Variants in ASB6 observed in about 807,000 individuals in gnomAD.
The protein encoded by ASB6 is ankyrin repeat and SOCS box containing 6, also known as ankyrin repeat and SOCS box protein 6.
In ASB6, 24 loss-of-function variants were observed where a neutral mutation model predicts 28.6. The ratio of observed to expected loss-of-function variants is 0.84; its 90% CI spans 0.61 to 1.18. The LOEUF (loss-of-function observed/expected upper bound fraction) is 1.18. Among genes scored for constraint, ASB6 ranks in the 50% most tolerant of loss-of-function variants. The pLI, the probability that ASB6 is intolerant of heterozygous loss-of-function variation, is 0.00. For synonymous variants in ASB6, 267 were observed against 243.4 expected (o/e 1.10, Z -0.90); for missense variants, 519 against 559.8 (o/e 0.93, Z 0.74).
In ASB6 at chr9:129,635,748, G is replaced by A. The variant is rs886378409; in HGVS notation, c.*2042C>T. 2 of 380,544 alleles carry A rather than the reference G, an allele frequency of 5.3e-6. No individual in the cohort carries two copies. The highest frequency in any genetic ancestry group is 4.8e-6 in the Non-Finnish European group (1 of 208,668). 23.6% of individuals were successfully genotyped at this position (380,544 alleles called of 1,614,324 possible). ...AGGGCTCCTGGTGCTCCCCATGTGG[G>A]AATAGGGTGGCCACATCAGTAACCG... On this transcript the variant is annotated 3_prime_UTR_variant, in exon 6 of 6. Transcript: ENST00000277458.
In ASB6 at chr9:129,638,742, G is replaced by T. The variant is rs1244493936; in HGVS notation, c.512-83C>A. ...ACCCAGAGGAGGTGGCAGAAATCCA[G>T]ACACTCAGAGGATCAGAAGATGAAC... On this transcript the variant is annotated intron_variant, in intron 4 of 5. Transcript: ENST00000277458. The T allele has an allele frequency of 6.4e-5, 70 of 1,085,542 alleles. No individual in the cohort carries two copies. The East Asian group carries it at 1.7e-3, about 27-fold the overall frequency. The allele number at this position is 1,085,542 out of a possible 1,614,324, so 67.2% of individuals were successfully genotyped here.
chr9:129,638,491 A>G (rs1448919061), intron 5 of ASB6, 34 bp from the exon 6 acceptor site: 38 of 1,607,848 alleles, frequency 2.4e-5, no homozygotes, highest in Middle Eastern at 1.6e-4. Flanking sequence ...ATGCTGGGAG[A>G]AGGCCTTCAA....
Position 129,638,675 on chromosome 9 carries a change from G to A in ASB6, c.512-16C>T, listed in dbSNP as rs761693106. On this transcript the variant is annotated splice_polypyrimidine_tract_variant and intron_variant, in intron 4 of 5. Transcript: ENST00000277458. ...GCAGTTTTTCCTAGGGAGGGAGGGAGAGCAAGGAGGAGCAGGAGGCCAGGA... is the reference window on the plus strand; with the variant it reads ...GCAGTTTTTCCTAGGGAGGGAGGGAAAGCAAGGAGGAGCAGGAGGCCAGGA... 4 of 1,595,362 alleles carry A rather than the reference G, an allele frequency of 2.5e-6. No individual in the cohort carries two copies. Among genetic ancestry groups the A allele is most frequent in the Admixed American group, 1.7e-5 (1 of 58,214 alleles).
At position 129,639,456 on chromosome 9, in the gene ASB6, C is replaced by T. The variant is rs144625798; in HGVS notation, c.348G>A (p.Pro116=). Residue 116 remains proline, a synonymous_variant, in exon 3 of 6, where the codon CCG becomes CCA. Coordinates refer to ENST00000277458, the MANE Select transcript of ASB6 (RefSeq NM_017873.4). ...ALHIAVLRNQ[P]DMVELLVHHG... ...GATGCACCAGCAGCTCCACCATGTC[C>T]GGCTGGTTCCGCAGGACGGCGATGT... The T allele has an allele frequency of 2.5e-5, 41 of 1,613,722 alleles. No homozygotes were observed. Among genetic ancestry groups the T allele is most frequent in the East Asian group, 1.1e-4 (5 of 44,882 alleles).
At position 129,635,611 on chromosome 9, in the gene ASB6, C is replaced by T. The variant is rs1831507723; in HGVS notation, c.*2179G>A. Reference sequence around the variant, plus strand: ...CTGCCGTCCACTCATTATGCGGGCTCTTCTTCAAAAGGCAAGGTGGGACCC... The same window carrying T: ...CTGCCGTCCACTCATTATGCGGGCTTTTCTTCAAAAGGCAAGGTGGGACCC... On this transcript the variant is annotated 3_prime_UTR_variant, in exon 6 of 6. Coordinates refer to ENST00000277458, the MANE Select transcript of ASB6 (RefSeq NM_017873.4). The T allele has an allele frequency of 9.5e-7, 1 of 1,054,218 alleles. No individual in the cohort carries two copies. 65.3% of individuals were successfully genotyped at this position (1,054,218 alleles called of 1,614,324 possible). A position where few individuals can be genotyped will look rare whatever the true frequency, so the allele number is the denominator to read the frequency against.
intron 1 of ASB6, 112 bp downstream of exon 1, chr9:129,641,775 G>T: frequency 1.7e-6 from 2 of 1,150,740 alleles, no homozygotes; most frequent in Non-Finnish European, 2.3e-6. Flanking sequence ...GCTTCCGCCC[G>T]TCCCTTCCTC....
At chr9:129,640,768 G>A (rs763831822) in intron 1 of ASB6, 46 bp from the exon 2 acceptor site, 25 of 1,608,204 alleles carry the variant, frequency 1.6e-5, no homozygotes, top group Middle Eastern at 1.7e-4. Flanking sequence ...GTGGGACCGG[G>A]TGACCGCGCA....
Position 129,639,615 on chromosome 9 carries a change from C to T in ASB6, c.296-107G>A. 2 of 936,532 alleles carry T rather than the reference C, an allele frequency of 2.1e-6. 1 individual carries two copies. Among genetic ancestry groups the T allele is most frequent in the East Asian group, 5.3e-5 (2 of 37,608 alleles). 58.0% of individuals were successfully genotyped at this position (936,532 alleles called of 1,614,324 possible). On this transcript the variant is annotated intron_variant, in intron 2 of 5. Transcript: ENST00000277458. ...CTCCCACCTAAAGTGTCCAGAAGCA[C>T]AGGCCCAGCCTCCTGTCACCATCAA...
Position 129,638,643 on chromosome 9 carries a change from G to C in ASB6, c.528C>G (p.Leu176=), listed in dbSNP as rs1477739414. ...AADKHGKTAL[L]HALASSDGVQ... is the part of the protein sequence containing the mutation. The stretch of plus-strand genomic sequence containing the variant: ...CCCCGTCGCTGCTGGCCAGAGCATG[G>C]AGCAGAGCAGTTTTTCCTAGGGAGG... The change falls in exon 5 of 6, where the codon CTC becomes CTG. Residue 176 remains leucine (L), a synonymous_variant. Transcript: ENST00000277458. 1.9e-6 allele frequency: 3 copies of C among 1,613,194 alleles called. No homozygotes were observed. The highest frequency in any genetic ancestry group is 2.2e-5 in the East Asian group (1 of 44,878).
Position 129,638,309 on chromosome 9 carries a change from G to A in ASB6, c.747C>T (p.His249=), listed in dbSNP as rs549261054. The change falls in exon 6 of 6, where the codon CAC becomes CAT. Residue 249 remains histidine (H), a synonymous_variant. Coordinates refer to ENST00000277458, the MANE Select transcript of ASB6 (RefSeq NM_017873.4). ...CFQVTRLLLA[H]GADPSECPAH... is the part of the protein sequence containing the mutation. Reference sequence around the variant, plus strand: ...CTGGGCACTCGCTGGGGTCGGCCCCGTGTGCCAGCAGCAGCCGTGTGACTT... The same window carrying A: ...CTGGGCACTCGCTGGGGTCGGCCCCATGTGCCAGCAGCAGCCGTGTGACTT... The A allele has an allele frequency of 9.9e-6, 16 of 1,612,818 alleles. No homozygotes were observed. The African/African-American group carries it at 1.2e-4, about 12-fold the overall frequency.
chr9:129,638,043 TGA>T lies in ASB6; in HGVS notation c.1011_1012del (p.Gln338GlufsTer73). On this transcript the variant is annotated frameshift_variant, in exon 6 of 6. Coordinates refer to ENST00000277458, the MANE Select transcript of ASB6 (RefSeq NM_017873.4). LOFTEE classifies it high-confidence loss of function. ...GAAGTTTTCGGGCAGCTGGAGTTTCTGAGAGTTGGTCACCATGAGATCCAGGA... is the reference window on the plus strand; with the variant it reads ...GAAGTTTTCGGGCAGCTGGAGTTTCTGAGTTGGTCACCATGAGATCCAGGA... 1 of 1,614,174 alleles carries T rather than the reference TGA, an allele frequency of 6.2e-7. No homozygotes were observed. The highest frequency in any genetic ancestry group is 8.5e-7 in the Non-Finnish European group (1 of 1,180,016).
At position 129,635,168 on chromosome 9, in the gene ASB6, T is replaced by C. The variant is rs1331017911; in HGVS notation, c.*2622A>G. The C allele has an allele frequency of 6.3e-7, 1 of 1,585,444 alleles. No homozygotes were observed. Among genetic ancestry groups the C allele is most frequent in the Non-Finnish European group, 8.6e-7 (1 of 1,169,568 alleles). Reference sequence around the variant, plus strand: ...CATCCCATCCAGTGCCGACATCCGCTTGCATGGTGCCCTGGTAACCTTGCC... The same window carrying C: ...CATCCCATCCAGTGCCGACATCCGCCTGCATGGTGCCCTGGTAACCTTGCC... On this transcript the variant is annotated 3_prime_UTR_variant, in exon 6 of 6. Transcript: ENST00000277458.
Position 129,635,483 on chromosome 9 carries a change from A to G in ASB6, c.*2307T>C, listed in dbSNP as rs755807015. The G allele has an allele frequency of 6.3e-7, 1 of 1,597,972 alleles. No homozygotes were observed. Among genetic ancestry groups the G allele is most frequent in the Non-Finnish European group, 8.6e-7 (1 of 1,169,524 alleles). ...GAGATGAGCCGGGGCTGGCAGGAGA[A>G]ACTGAGGAACCACAGTCCTGGTGGG... is the stretch of plus-strand genomic sequence containing the variant. On this transcript the variant is annotated 3_prime_UTR_variant, in exon 6 of 6. Coordinates refer to ENST00000277458, the MANE Select transcript of ASB6 (RefSeq NM_017873.4).
chr9:129,639,115 C>CCTAGCT, intron 4 of ASB6, 87 bp downstream of exon 4: 1 of 1,326,188 alleles, frequency 7.5e-7, no homozygotes, highest in East Asian at 2.3e-5. Context: ...AGTCTGCCCA[C>CCTAGCT]CTAGCTGTTG....
rs1051101191 is a variant in ASB6, at chr9:129,642,136, C to T, written c.-137G>A. ...GCCCCTGCGCCCGGCCGGGTCCGCT[C>T]CTCAGTCCAAGCCGCGCCCCCGCCG... On this transcript the variant is annotated 5_prime_UTR_variant, in exon 1 of 6. Coordinates refer to ENST00000277458, the MANE Select transcript of ASB6 (RefSeq NM_017873.4). The surrounding 1 kb of genome is among the most constrained non-coding windows in gnomAD (Gnocchi z 4.3). 7.5e-7 allele frequency: 1 copy of T among 1,329,088 alleles called. No individual in the cohort carries two copies. Among genetic ancestry groups the T allele is most frequent in the Non-Finnish European group, 9.6e-7 (1 of 1,040,520 alleles). The allele number at this position is 1,329,088 out of a possible 1,614,324, so 82.3% of individuals were successfully genotyped here. A position where few individuals can be genotyped will look rare whatever the true frequency, so the allele number is the denominator to read the frequency against.
At position 129,635,007 on chromosome 9, in the gene ASB6, T is replaced by C; in HGVS notation, c.*2783A>G. The C allele has an allele frequency of 3.2e-6, 2 of 625,736 alleles. No homozygotes were observed. The highest frequency in any genetic ancestry group is 4.1e-5 in the South Asian group (2 of 48,872). 38.8% of individuals were successfully genotyped at this position (625,736 alleles called of 1,614,324 possible). A position where few individuals can be genotyped will look rare whatever the true frequency, so the allele number is the denominator to read the frequency against. On this transcript the variant is annotated 3_prime_UTR_variant, in exon 6 of 6. Transcript: ENST00000277458. Reference sequence around the variant, plus strand: ...AATTCTGGCTTAATGTGTCTTTAGGTAGATGACCTCTGAGCCACAGTTTCC... The same window carrying C: ...AATTCTGGCTTAATGTGTCTTTAGGCAGATGACCTCTGAGCCACAGTTTCC...
chr9:129,641,681 C>CCTCGGGCT (rs1309401915), intron 1 of ASB6, among the ~76,000 whole-genome samples: 1 of 152,090 alleles, frequency 6.6e-6, no homozygotes, highest in Non-Finnish European at 1.5e-5. Flanking sequence ...GCCCTCGGGC[C>CCTCGGGCT]CTCCCCGCCC....
intron 4 of ASB6, 126 bp from the exon 5 acceptor site, chr9:129,638,785 A>C: frequency 3.8e-6 from 3 of 779,840 alleles, no homozygotes; most frequent in Non-Finnish European, 6.5e-6. Flanking sequence ...GACAACTCTC[A>C]GCTCAGGTGA....
At chr9:129,640,103 C>G (rs1831659179) in intron 2 of ASB6, among the ~76,000 whole-genome samples, 2 of 152,128 alleles carry the variant, frequency 1.3e-5, no homozygotes, top group South Asian at 4.1e-4. Flanking sequence ...AGCCAGGAGC[C>G]AGGGTGTCCT....
Sources: gnomAD v4.1 joint callset for allele counts (sites outside exome capture counted in the v4.1 genomes callset) on GRCh38, gnomAD v4.1.1 for gene constraint, Gnocchi (gnomAD v3.1) non-coding constraint, MANE v1.5 for transcripts, NCBI Gene and HGNC (gene_info 2026-07-23, HGNC 2026-07-21) for gene names.